OFD1: variants seen among roughly 807,000 people sequenced by gnomAD.
OFD1 encodes centriole and centriolar satellite protein OFD1.
Under a neutral mutation model 81.4 loss-of-function variants are expected in OFD1, and 12 were observed. That is an observed-to-expected ratio of 0.15 (90% CI 0.09 to 0.24). The LOEUF (loss-of-function observed/expected upper bound fraction) is 0.24. Among genes scored for constraint, OFD1 ranks in the 10% least tolerant of loss-of-function variants. The probability of loss-of-function intolerance (pLI) is 1.00; values close to 1 mark genes in which losing one functional copy is unlikely to be tolerated. For synonymous variants in OFD1, 256 were observed against 263.7 expected, an observed-to-expected ratio of 0.97 and a Z score of 0.28; for missense variants, 685 against 733.9, an observed-to-expected ratio of 0.93 and a Z score of 0.77.
the OFD1 span, among the ~76,000 whole-genome samples, chrX:13,728,456 C>T: frequency 8.9e-6 from 1 of 111,879 alleles, no homozygotes; most frequent in Non-Finnish European, 1.9e-5. Context: ...ATACGCAAAT[C>T]GATAAACATA....
At chrX:13,749,732 G>A (rs963689218) in intron 9 of OFD1, among the ~76,000 whole-genome samples, 199 bp downstream of exon 9, 1 of 112,554 alleles carries the variant, frequency 8.9e-6, no homozygotes, top group Admixed American at 9.4e-5. Context: ...ATGAAAAGAC[G>A]AATGAGATGC....
At chrX:13,755,306 C>T in intron 12 of OFD1, 64 bp downstream of exon 12, 1 of 788,719 alleles carries the variant, frequency 1.3e-6, no homozygotes, top group Non-Finnish European at 1.9e-6. Flanking sequence ...TTTAGTCATA[C>T]ATAATTTATC....
In OFD1 at chrX:13,735,039, A is replaced by C. The variant is rs1202703871; in HGVS notation, c.-33A>C. ...ACTAAACTCGGGCCGCGGCGGGGCG[A>C]GCGAGGCGGGCTCCGGAGGGAGCTG... On this transcript the variant is annotated 5_prime_UTR_variant, in exon 1 of 23. Coordinates refer to ENST00000340096, the MANE Select transcript of OFD1 (RefSeq NM_003611.3). 24 of 1,184,722 alleles carry C rather than the reference A, an allele frequency of 2.0e-5. No homozygotes were observed. Among genetic ancestry groups the C allele is most frequent in the East Asian group, 3.0e-5 (1 of 32,961 alleles).
intron 9 of OFD1, among the ~76,000 whole-genome samples, chrX:13,750,486 A>G (rs2047462221): frequency 9.0e-6 from 1 of 111,557 alleles, no homozygotes; most frequent in Non-Finnish European, 1.9e-5. Flanking sequence ...CCATGAACCT[A>G]CCTCCCTGGC....
At chrX:13,739,864 TG>T (rs1215170429) in intron 5 of OFD1, 1 of 752,061 alleles carries the variant, frequency 1.3e-6, no homozygotes, top group Non-Finnish European at 1.6e-6. Context: ...TTAGACTTGA[TG>T]ATGGGCTTTG....
intron 2 of OFD1, among the ~76,000 whole-genome samples, chrX:13,735,598 G>A (rs2046831130): frequency 8.9e-6 from 1 of 112,371 alleles, no homozygotes; most frequent in Non-Finnish European, 1.9e-5. Flanking sequence ...CAATAAGATA[G>A]GAGAAGGAAA....
rs17311049 is a variant in OFD1, at chrX:13,747,004, G to A, written c.828+51G>A. The A allele has an allele frequency of 0.014, 15,728 of 1,109,408 alleles. 124 individuals carry two copies. The highest frequency in any genetic ancestry group is 0.05 in the African/African-American group (2,772 of 55,221). The allele number at this position is 1,109,408 out of a possible 1,213,427, so 91.4% of individuals were successfully genotyped here. A position where few individuals can be genotyped will look rare whatever the true frequency, so the allele number is the denominator to read the frequency against. ...TGGCTATTTCCTGCAGCTATTAGTA[G>A]GTTGGCTCGAGATCCAGCAACAGGA... On this transcript the variant is annotated intron_variant, in intron 8 of 22. Coordinates refer to ENST00000340096, the MANE Select transcript of OFD1 (RefSeq NM_003611.3).
In OFD1 at chrX:13,735,241, C is replaced by G. The variant is rs761622748; in HGVS notation, c.13-7C>G. 6 of 1,209,420 alleles carry G rather than the reference C, an allele frequency of 5.0e-6. No individual in the cohort carries two copies. In the South Asian group the frequency reaches 5.3e-5, roughly 11 times the overall value. ...CGCAGGTAACCTATAACCATTTTGT[C>G]TTTTAGTCCAACATGTTTACCGTGG... On this transcript the variant is annotated splice_region_variant and splice_polypyrimidine_tract_variant and intron_variant, in intron 1 of 22. Coordinates refer to ENST00000340096, the MANE Select transcript of OFD1 (RefSeq NM_003611.3).
intron 10 of OFD1, among the ~76,000 whole-genome samples, chrX:13,752,509 A>C (rs1047494277): frequency 3.6e-5 from 4 of 112,648 alleles, no homozygotes; most frequent in African/African-American, 1.3e-4. Flanking sequence ...ATTTTTAAAA[A>C]ATATGGCAGC....
the OFD1 span, chrX:13,716,315 G>A: frequency 3.6e-6 from 2 of 557,907 alleles, no homozygotes; most frequent in Admixed American, 7.9e-5. Flanking sequence ...ATAGGGTCCA[G>A]ATAAACTCTT....
At chrX:13,728,306 AT>A in the OFD1 span, among the ~76,000 whole-genome samples, 2 of 111,929 alleles carry the variant, frequency 1.8e-5, no homozygotes, top group African/African-American at 6.5e-5. Flanking sequence ...AAAAAAGAGA[AT>A]TTTAGACCAA....
Position 13,736,562 on chromosome X carries a change from G to T in OFD1, c.196G>T (p.Gly66Trp). 9.9e-6 allele frequency: 12 copies of T among 1,209,848 alleles called. No individual in the cohort carries two copies. Among genetic ancestry groups the T allele is most frequent in the Non-Finnish European group, 1.3e-5 (12 of 893,669 alleles). ...ELQPRSISVE[G>W]SSLLIGASNS... ...GCAGCCTCGGTCCATTTCAGTAGAA[G>T]GGAGCTCCCTCTTAATAGGCGCCTC... Residue 66 changes from glycine (G) to tryptophan (W), a missense_variant, in exon 3 of 23, where the codon GGG (glycine) becomes TGG (tryptophan). By Grantham distance (184) the Gly-to-Trp change is radical (BLOSUM62 -2). Around this residue, in one of 3 missense-constraint regions of OFD1, gnomAD observed 414 missense variants for 447.2 expected, o/e 0.93. Coordinates refer to ENST00000340096, the MANE Select transcript of OFD1 (RefSeq NM_003611.3).
At chrX:13,766,221 C>T (rs1370742602) in intron 19 of OFD1, among the ~76,000 whole-genome samples, 1 of 112,226 alleles carries the variant, frequency 8.9e-6, no homozygotes, top group African/African-American at 3.2e-5. Context: ...ACATCTTCCC[C>T]TCAGGAAATG....
upstream of OFD1, among the ~76,000 whole-genome samples, chrX:13,732,645 T>C (rs1349329176): frequency 1.8e-5 from 2 of 112,794 alleles, no homozygotes; most frequent in Non-Finnish European, 3.8e-5. Context: ...AACCGTTCCA[T>C]AGGCCAAGCC....
chrX:13,755,249 G>A lies in OFD1; in HGVS notation c.1221+7G>A. The A allele has an allele frequency of 8.8e-7, 1 of 1,133,460 alleles. No homozygotes were observed. The highest frequency in any genetic ancestry group is 1.2e-6 in the Non-Finnish European group (1 of 824,525). 93.4% of individuals were successfully genotyped at this position (1,133,460 alleles called of 1,213,427 possible). On this transcript the variant is annotated splice_region_variant and intron_variant, in intron 12 of 22. Transcript: ENST00000340096. ...TCGTGTGAAAGAACTTGAGGTAATT[G>A]TTAAGCATGTTGGTTTTTGAAATAG...
intron 18 of OFD1, among the ~76,000 whole-genome samples, chrX:13,763,202 T>G (rs886977514): frequency 8.9e-6 from 1 of 112,951 alleles, no homozygotes; most frequent in African/African-American, 3.2e-5. Flanking sequence ...TGGCCCTGCC[T>G]TAGACTGTCT....
At chrX:13,761,471 G>T (rs2047929080) in intron 17 of OFD1, among the ~76,000 whole-genome samples, 1 of 111,708 alleles carries the variant, frequency 9.0e-6, no homozygotes, top group Admixed American at 9.5e-5. Flanking sequence ...ATGCAATCTG[G>T]TATTAATAAG....
At chrX:13,769,571 C>T (rs2048262056), downstream of OFD1, among the ~76,000 whole-genome samples, 1 of 111,668 alleles carries the variant, frequency 9.0e-6, no homozygotes, top group South Asian at 3.8e-4. Context: ...AAGATACTGC[C>T]TCTGGTCTTT....
intron 9 of OFD1, among the ~76,000 whole-genome samples, chrX:13,750,908 T>C (rs918427382): frequency 8.9e-6 from 1 of 112,771 alleles, no homozygotes; most frequent in African/African-American, 3.2e-5. Context: ...ATTTGTTACT[T>C]TGTAACTAAT....
Sources: gnomAD v4.1 joint callset for allele counts (sites outside exome capture counted in the v4.1 genomes callset) on GRCh38, gnomAD v4.1.1 for gene constraint, gnomAD v4.1.1 regional missense constraint, MANE v1.5 for transcripts, NCBI Gene and HGNC (gene_info 2026-07-23, HGNC 2026-07-21) for gene names.